The following CCDC178 variants were observed in gnomAD, a reference collection of about 807,000 sequenced individuals.
The protein encoded by CCDC178 is coiled-coil domain-containing protein 178.
In CCDC178, 126 loss-of-function variants were observed where a neutral mutation model predicts 117.4. That is an observed-to-expected ratio of 1.07 (90% CI 0.93 to 1.24). CCDC178 has a LOEUF of 1.24. Among genes scored for constraint, CCDC178 ranks in the 50% most tolerant of loss-of-function variants. The pLI, the probability that CCDC178 is intolerant of heterozygous loss-of-function variation, is 0.00. For missense variants in CCDC178, 1,030 were observed against 986.9 expected (o/e 1.04, Z -0.59); for synonymous variants, 283 against 313.4 (o/e 0.90, Z 1.02).
intron 21 of CCDC178, among the ~76,000 whole-genome samples, chr18:33,016,091 G>T (rs1240092175): frequency 9.9e-5 from 15 of 151,896 alleles, no homozygotes; most frequent in Non-Finnish European, 2.9e-5. Flanking sequence ...TCAAATTTCC[G>T]TATATAGAAA....
At chr18:33,328,954 T>C (rs909875165) in intron 10 of CCDC178, among the ~76,000 whole-genome samples, 3 of 152,222 alleles carry the variant, frequency 2.0e-5, no homozygotes, top group Non-Finnish European at 4.4e-5. Context: ...TTTCAATTTA[T>C]TCAATTCTTA....
chr18:33,234,286 G>T (rs1228747535), intron 15 of CCDC178, among the ~76,000 whole-genome samples: 1 of 151,864 alleles, frequency 6.6e-6, no homozygotes, highest in Non-Finnish European at 1.5e-5. Context: ...CTTTTTCCCG[G>T]CAACCATTTC....
chr18:33,406,738 C>G (rs953761288), intron 3 of CCDC178, among the ~76,000 whole-genome samples: 2 of 151,974 alleles, frequency 1.3e-5, no homozygotes, highest in Non-Finnish European at 2.9e-5. Context: ...AAAGTTATAG[C>G]AAGTCTATAA....
At chr18:33,374,880 A>C (rs1186165161) in intron 5 of CCDC178, among the ~76,000 whole-genome samples, 3 of 152,200 alleles carry the variant, frequency 2.0e-5, no homozygotes, top group African/African-American at 7.2e-5. Flanking sequence ...AAAGGAGTAC[A>C]AGTGGCATAA....
At chr18:33,211,552 C>G (rs1379900070) in intron 20 of CCDC178, among the ~76,000 whole-genome samples, 1 of 151,428 alleles carries the variant, frequency 6.6e-6, no homozygotes, top group Non-Finnish European at 1.5e-5. Flanking sequence ...TATATTTATT[C>G]AGAAACAAAT....
chr18:33,379,114 CAT>C (rs1229432207), intron 5 of CCDC178, among the ~76,000 whole-genome samples: 1 of 4,290 alleles, frequency 2.3e-4, no homozygotes, highest in Non-Finnish European at 1.7e-3. Flanking sequence ...TATATATTTC[CAT>C]ATATATATAA....
At chr18:33,354,650 G>A (rs1286394145) in intron 7 of CCDC178, among the ~76,000 whole-genome samples, 8 of 143,388 alleles carry the variant, frequency 5.6e-5, no homozygotes, top group Admixed American at 3.6e-4. Flanking sequence ...TCACTCTGTC[G>A]CCCAGGTTGG....
chr18:33,010,330 C>T (rs926528174), intron 21 of CCDC178, among the ~76,000 whole-genome samples: 2 of 152,096 alleles, frequency 1.3e-5, no homozygotes, highest in African/African-American at 4.8e-5. Flanking sequence ...CCCTCAGATT[C>T]CCTGGCGGTC....
intron 10 of CCDC178, among the ~76,000 whole-genome samples, chr18:33,329,294 C>G (rs1295823041): frequency 6.6e-6 from 1 of 152,086 alleles, no homozygotes; most frequent in African/African-American, 2.4e-5. Context: ...TTTTACTTGC[C>G]TAACCACTCT....
intron 3 of CCDC178, among the ~76,000 whole-genome samples, chr18:33,407,972 T>C (rs893532174): frequency 4.0e-5 from 6 of 151,882 alleles, no homozygotes; most frequent in African/African-American, 1.4e-4. Context: ...TAGGGGCCAA[T>C]GTTACTGAAT....
chr18:33,114,078 A>G lies in CCDC178; in HGVS notation c.2239-21168T>C, dbSNP rs1421113389. Among the ~76,000 whole-genome samples the G allele has an allele frequency of 2.6e-5, 4 of 152,082 alleles. No individual in the cohort carries two copies. In the South Asian group the frequency reaches 8.3e-4, roughly 31 times the overall value. ...GACTTTGGACTATCATAGGAGATTG[A>G]CAAAAAAGAGAAATGAGTGTAGCAA... On this transcript the variant is annotated intron_variant, in intron 20 of 22. Coordinates refer to ENST00000383096, the MANE Select transcript of CCDC178 (RefSeq NM_001105528.4).
intron 21 of CCDC178, among the ~76,000 whole-genome samples, chr18:32,980,152 A>G (rs1221326357): frequency 6.5e-5 from 2 of 30,672 alleles, no homozygotes; most frequent in African/African-American, 2.6e-4. Context: ...TTAAAATGAT[A>G]ACTTCTAATG....
intron 11 of CCDC178, among the ~76,000 whole-genome samples, chr18:33,316,302 G>A (rs2062415544): frequency 6.6e-6 from 1 of 152,206 alleles, no homozygotes; most frequent in African/African-American, 2.4e-5. Context: ...TGTGAGCTGG[G>A]AGGGCCCCAC....
rs531055325 is a variant in CCDC178 at position 32,938,146 on chromosome 18, CAG to C, written c.2524-57_2524-56del. On this transcript the variant is annotated intron_variant, in intron 22 of 22. Transcript: ENST00000383096. ...AATAAGTACTCATTAATTAAGAAAA[CAG>C]AGCATTATTATGAAATCATACACAT... 1.6e-3 allele frequency: 1,893 copies of C among 1,199,070 alleles called. 6 individuals carry two copies. The highest frequency in any genetic ancestry group is 2.1e-3 in the Non-Finnish European group (1,718 of 805,556). 74.3% of individuals were successfully genotyped at this position (1,199,070 alleles called of 1,614,324 possible). A position where few individuals can be genotyped will look rare whatever the true frequency, so the allele number is the denominator to read the frequency against.
At chr18:33,253,906 G>A (rs1039010247) in intron 14 of CCDC178, among the ~76,000 whole-genome samples, 3 of 151,748 alleles carry the variant, frequency 2.0e-5, no homozygotes, top group Non-Finnish European at 2.9e-5. Context: ...TTGTAATCAA[G>A]ATTAAATAAA....
In CCDC178 at chr18:33,241,461, T is replaced by TA. The variant is rs1437535333; in HGVS notation, c.1593+3783_1593+3784insT. Among the ~76,000 whole-genome samples, 11 of 151,102 alleles carry TA rather than the reference T, an allele frequency of 7.3e-5. No individual in the cohort carries two copies. The East Asian group carries it at 1.6e-3, about 21-fold the overall frequency. On this transcript the variant is annotated intron_variant, in intron 15 of 22. Transcript: ENST00000383096. ...GTGTGTGTGTGTGTGTGTGTGTGTGTGTGTGTGTAGAGAGAGACTCTACCA... is the reference window on the plus strand; with the variant it reads ...GTGTGTGTGTGTGTGTGTGTGTGTGTAGTGTGTGTAGAGAGAGACTCTACCA...
At chr18:33,060,711 T>C (rs1223043624) in intron 21 of CCDC178, among the ~76,000 whole-genome samples, 1 of 152,130 alleles carries the variant, frequency 6.6e-6, no homozygotes, top group East Asian at 1.9e-4. Flanking sequence ...AATATAAAGT[T>C]TGTTCATTCG....
At chr18:33,416,609 A>G (rs2063944799) in intron 2 of CCDC178, among the ~76,000 whole-genome samples, 1 of 151,732 alleles carries the variant, frequency 6.6e-6, no homozygotes, top group Non-Finnish European at 1.5e-5. Context: ...ACCACACCCT[A>G]CTCTCCAACT....
intron 4 of CCDC178, among the ~76,000 whole-genome samples, chr18:33,390,739 T>C (rs1447372332): frequency 2.0e-5 from 3 of 152,010 alleles, no homozygotes; most frequent in Non-Finnish European, 4.4e-5. Flanking sequence ...ATAGTTACAT[T>C]TATGTACACA....
Sources: allele counts gnomAD v4.1 joint callset (sites outside exome capture counted in the v4.1 genomes callset), GRCh38; gene constraint gnomAD v4.1.1; transcripts MANE v1.5; gene names NCBI Gene and HGNC (gene_info 2026-07-23, HGNC 2026-07-21).